The following MAPK10 variants were observed in gnomAD, a reference collection of about 807,000 sequenced individuals.
MAPK10 encodes the protein JNK3 alpha protein kinase.
In MAPK10, 25 loss-of-function variants were observed where a neutral mutation model predicts 59.3. The observed-to-expected ratio is 0.42, with a 90% confidence interval of 0.31 to 0.59. MAPK10 has a LOEUF of 0.59. MAPK10 is among the 20% of genes least tolerant of loss of function. The pLI, the probability that MAPK10 is intolerant of heterozygous loss-of-function variation, is 0.15. For missense variants in MAPK10, 351 were observed against 568.9 expected, an observed-to-expected ratio of 0.62 and a Z score of 3.90; for synonymous variants, 190 against 200.5, an observed-to-expected ratio of 0.95 and a Z score of 0.44.
chr4:86,119,557 C>T (rs1340217096), intron 4 of MAPK10: 7 of 132,102 alleles, frequency 5.3e-5, no homozygotes, highest in Non-Finnish European at 1.1e-4. Flanking sequence ...GCATTCCAGC[C>T]TGGGTGACAG....
At chr4:86,334,773 C>T (rs1378057121) in intron 2 of MAPK10, among the ~76,000 whole-genome samples, 1 of 151,440 alleles carries the variant, frequency 6.6e-6, no homozygotes, top group African/African-American at 2.4e-5. Context: ...AAAAAACTAA[C>T]TGCAGTCTCC....
intron 2 of MAPK10, chr4:86,327,259 G>A (rs182140242): frequency 2.6e-4 from 40 of 151,972 alleles, no homozygotes; most frequent in African/African-American, 9.7e-4. Flanking sequence ...ATAGGCATGA[G>A]CCGCTGTGCC....
intron 1 of MAPK10, among the ~76,000 whole-genome samples, chr4:86,488,361 T>TC (rs1022804198): frequency 1.3e-5 from 2 of 152,198 alleles, no homozygotes; most frequent in African/African-American, 4.8e-5. Context: ...AATGTATAGT[T>TC]CCAGCTTCAA....
rs550847421 is a variant in MAPK10 at position 86,119,287 on chromosome 4, G to A, written c.237-11935C>T. 1.4e-4 allele frequency among the ~76,000 whole-genome samples: 22 copies of A among 152,202 alleles called. No homozygotes were observed. The East Asian group carries it at 3.3e-3, about 23-fold the overall frequency. On this transcript the variant is annotated intron_variant, in intron 4 of 13. Transcript: ENST00000641462. ...TTTGCCTTCGATTTTCTGCAAATTT[G>A]TTCTCAGCATGTTGGGAATAAAAAG...
intron 1 of MAPK10, among the ~76,000 whole-genome samples, chr4:86,371,875 C>G (rs766308837): frequency 6.6e-6 from 1 of 152,096 alleles, no homozygotes; most frequent in Non-Finnish European, 1.5e-5. Flanking sequence ...TATGCTTTTC[C>G]CAGTCTTTTC....
At chr4:86,151,470 A>T (rs1254961590) in intron 4 of MAPK10, among the ~76,000 whole-genome samples, 1 of 152,200 alleles carries the variant, frequency 6.6e-6, no homozygotes, top group African/African-American at 2.4e-5. Flanking sequence ...TGATTATATC[A>T]TTCCTCCAGC....
At chr4:86,540,463 T>G (rs911842265) in intron 1 of MAPK10, among the ~76,000 whole-genome samples, 4 of 151,944 alleles carry the variant, frequency 2.6e-5, no homozygotes, top group Non-Finnish European at 4.4e-5. Context: ...TCACATCACT[T>G]CACTCCAGCC....
chr4:86,134,077 A>G (rs1437241888), intron 4 of MAPK10, among the ~76,000 whole-genome samples: 1 of 152,224 alleles, frequency 6.6e-6, no homozygotes, highest in Non-Finnish European at 1.5e-5. Context: ...ACCCATGATG[A>G]ATAGCTTTCA....
chr4:86,470,934 T>A (rs1463585208), intron 1 of MAPK10, among the ~76,000 whole-genome samples: 1 of 152,198 alleles, frequency 6.6e-6, no homozygotes, highest in Non-Finnish European at 1.5e-5. Context: ...AATCCAGTTA[T>A]AAGTTTTATT....
chr4:86,241,632 T>C (rs1421776475), intron 2 of MAPK10, among the ~76,000 whole-genome samples: 2 of 152,160 alleles, frequency 1.3e-5, no homozygotes, highest in Admixed American at 1.3e-4. Context: ...TGTTGATACT[T>C]GCGTATGCAT....
At chr4:86,130,332 T>TTA (rs1231121097) in intron 4 of MAPK10, among the ~76,000 whole-genome samples, 1 of 152,104 alleles carries the variant, frequency 6.6e-6, no homozygotes, top group Admixed American at 6.6e-5. Flanking sequence ...ATGTCATGTG[T>TTA]TATAGTCCAG....
Position 86,242,950 on chromosome 4 carries a change from G to A in MAPK10, c.-6-48543C>T, listed in dbSNP as rs1261257409. On this transcript the variant is annotated intron_variant, in intron 2 of 13. Coordinates refer to ENST00000641462, the MANE Select transcript of MAPK10 (RefSeq NM_138982.4). ...TTGGGACGCTAGGCCCCGGTGGCAT[G>A]GGTTTGCGAGTGGGATCTTCCGATC... 2.0e-5 allele frequency among the ~76,000 whole-genome samples: 3 copies of A among 152,178 alleles called. No homozygotes were observed. The East Asian group carries it at 5.8e-4, about 29-fold the overall frequency.
chr4:86,210,622 T>C (rs1176365195), intron 2 of MAPK10, among the ~76,000 whole-genome samples: 1 of 151,852 alleles, frequency 6.6e-6, no homozygotes, highest in Non-Finnish European at 1.5e-5. Flanking sequence ...TGTACACCTA[T>C]GTCTCATGTA....
At chr4:86,116,406 A>G (rs1020089625) in intron 4 of MAPK10, among the ~76,000 whole-genome samples, 2 of 152,228 alleles carry the variant, frequency 1.3e-5, no homozygotes, top group Non-Finnish European at 2.9e-5. Flanking sequence ...ATATGTGTAT[A>G]AGAATATTGT....
rs559867304 is a variant in MAPK10, at chr4:86,458,499, A to G, written c.-262-103855T>C. On this transcript the variant is annotated intron_variant, in intron 1 of 4. Transcript: ENST00000502302. The stretch of plus-strand genomic sequence containing the variant: ...AAAAGAACAAATCTGGACGCATCAC[A>G]TGACCTGATTTCAAACTGTGCTATA... 6.6e-5 allele frequency among the ~76,000 whole-genome samples: 10 copies of G among 152,262 alleles called. No homozygotes were observed. In the East Asian group the frequency reaches 1.7e-3, roughly 26 times the overall value.
At chr4:86,188,731 G>T (rs2078900743) in intron 3 of MAPK10, among the ~76,000 whole-genome samples, 1 of 152,142 alleles carries the variant, frequency 6.6e-6, no homozygotes, top group African/African-American at 2.4e-5. Flanking sequence ...TTGCTGTGCA[G>T]AAGCTCTTTA....
At chr4:86,371,997 T>C (rs1014394925) in intron 1 of MAPK10, among the ~76,000 whole-genome samples, 3 of 152,044 alleles carry the variant, frequency 2.0e-5, no homozygotes, top group African/African-American at 7.2e-5. Flanking sequence ...AACAAGAATA[T>C]TCAGGACTTG....
intron 2 of MAPK10, among the ~76,000 whole-genome samples, chr4:86,235,238 T>A (rs2148672173): frequency 6.6e-6 from 1 of 152,314 alleles, no homozygotes; most frequent in Admixed American, 6.5e-5. Flanking sequence ...GTCCCACACA[T>A]TCCTATCCTC....
chr4:86,077,966 AT>A (rs1397628378), intron 9 of MAPK10, among the ~76,000 whole-genome samples: 1 of 152,174 alleles, frequency 6.6e-6, no homozygotes, highest in Non-Finnish European at 1.5e-5. Flanking sequence ...CACATATGCC[AT>A]GTGTTAAGCA....
Sources: gnomAD v4.1 joint callset for allele counts (sites outside exome capture counted in the v4.1 genomes callset) on GRCh38, gnomAD v4.1.1 for gene constraint, MANE v1.5 for transcripts, NCBI Gene and HGNC (gene_info 2026-07-23, HGNC 2026-07-21) for gene names.